The following SLC39A14 variants were observed in gnomAD, a reference collection of about 807,000 sequenced individuals.
SLC39A14 encodes the protein metal cation symporter ZIP14.
In SLC39A14, 19 loss-of-function variants were observed where a neutral mutation model predicts 45.5. The ratio of observed to expected loss-of-function variants is 0.42; its 90% confidence interval spans 0.29 to 0.61. The LOEUF (loss-of-function observed/expected upper bound fraction) is 0.61, where lower values mean the gene tolerates loss of function less well. SLC39A14 is among the 20% of genes least tolerant of loss of function. The pLI, the probability that SLC39A14 is intolerant of heterozygous loss-of-function variation, is 0.22. For missense variants in SLC39A14, 447 were observed against 616.5 expected, an observed-to-expected ratio of 0.73 and a Z score of 2.91; for synonymous variants, 264 against 251.3, an observed-to-expected ratio of 1.05 and a Z score of -0.48.
At chr8:22,371,530 T>G (rs1832937316) in intron 1 of SLC39A14, among the ~76,000 whole-genome samples, 1 of 147,632 alleles carries the variant, frequency 6.8e-6, no homozygotes, top group Non-Finnish European at 1.5e-5. Context: ...GCCTCCTGGG[T>G]TCAAGCAATT....
intron 1 of SLC39A14, among the ~76,000 whole-genome samples, chr8:22,397,319 C>T (rs1834547506): frequency 6.6e-6 from 1 of 152,094 alleles, no homozygotes; most frequent in African/African-American, 2.4e-5. Flanking sequence ...TGGCTCACGC[C>T]TGTAATCCCA....
chr8:22,409,538 A>T (rs752691141), intron 3 of SLC39A14, among the ~76,000 whole-genome samples: 1 of 151,834 alleles, frequency 6.6e-6, no homozygotes, highest in Non-Finnish European at 1.5e-5. Context: ...ACGCGCCACC[A>T]CGCCCAGCTA....
At chr8:22,410,497 G>A (rs1835508385) in intron 3 of SLC39A14, among the ~76,000 whole-genome samples, 1 of 109,008 alleles carries the variant, frequency 9.2e-6, no homozygotes. Context: ...TCAGGTCTGG[G>A]CACCAAGAGC....
At position 22,404,829 on chromosome 8, in the gene SLC39A14, C is replaced by T. The variant is rs1835115883; in HGVS notation, c.119C>T (p.Ala40Val). ...ASSLGAPAIS[A>V]ASFLQDLIHR... is the part of the protein sequence containing the mutation. Reference sequence around the variant, plus strand: ...TCCCTGGGTGCACCAGCTATCAGCGCTGCCTCCTTCCTGCAGGATCTAATA... The same window carrying T: ...TCCCTGGGTGCACCAGCTATCAGCGTTGCCTCCTTCCTGCAGGATCTAATA... The change falls in exon 2 of 9, where the codon GCT becomes GTT. Residue 40 changes from alanine (A) to valine (V), a missense_variant. This residue lies in a region of SLC39A14 where 342 missense variants were observed against 428.1 expected (regional missense o/e 0.80). Transcript: ENST00000381237. 2 of 1,614,114 alleles carry T rather than the reference C, an allele frequency of 1.2e-6. No homozygotes were observed. Among genetic ancestry groups the T allele is most frequent in the Non-Finnish European group, 1.7e-6 (2 of 1,180,052 alleles).
In SLC39A14 at chr8:22,381,552, G is replaced by C. The variant is rs1273636337; in HGVS notation, c.-16+14144G>C. 2.2e-4 allele frequency among the ~76,000 whole-genome samples: 34 copies of C among 152,266 alleles called. 1 individual carries two copies. The highest frequency in any genetic ancestry group is 2.2e-3 in the Admixed American group (34 of 15,280). On this transcript the variant is annotated intron_variant, in intron 1 of 8. Coordinates refer to ENST00000381237, the MANE Select transcript of SLC39A14 (RefSeq NM_001128431.4). ...CCCAAAGTTCTGGGATTACAGGCGT[G>C]AGCCATAGCGCCCGGCCCCTAAATT...
intron 1 of SLC39A14, among the ~76,000 whole-genome samples, chr8:22,381,430 C>G (rs1833507248): frequency 2.6e-5 from 4 of 151,978 alleles, no homozygotes; most frequent in Admixed American, 2.6e-4. Flanking sequence ...GCCACCAGGC[C>G]TGGCTAATGT....
chr8:22,420,363 G>C lies in SLC39A14; in HGVS notation c.*665G>C. ...TGTTCCTACTGAGATGCTGGATATT[G>C]ATTTTGTAACAGCACCTGGTGTTTC... On this transcript the variant is annotated 3_prime_UTR_variant, in exon 9 of 9. Coordinates refer to ENST00000381237, the MANE Select transcript of SLC39A14 (RefSeq NM_001128431.4). 7.1e-6 allele frequency: 7 copies of C among 985,456 alleles called. No homozygotes were observed. The highest frequency in any genetic ancestry group is 8.4e-6 in the Non-Finnish European group (7 of 829,950). The allele number at this position is 985,456 out of a possible 1,614,324, so 61.0% of individuals were successfully genotyped here. A position where few individuals can be genotyped will look rare whatever the true frequency, so the allele number is the denominator to read the frequency against.
rs1446258000 is a variant in SLC39A14, at chr8:22,419,780, C to T, written c.*82C>T. 11 of 1,492,242 alleles carry T rather than the reference C, an allele frequency of 7.4e-6. 1 individual carries two copies. Among genetic ancestry groups the T allele is most frequent in the African/African-American group, 4.2e-5 (3 of 71,250 alleles). 92.4% of individuals were successfully genotyped at this position (1,492,242 alleles called of 1,614,324 possible). A position where few individuals can be genotyped will look rare whatever the true frequency, so the allele number is the denominator to read the frequency against. ...GCCCGAGGACTTACCATCCACAATG[C>T]ACCACGGAAGAGGCCGTTCTATGAA... On this transcript the variant is annotated 3_prime_UTR_variant, in exon 9 of 9. Transcript: ENST00000381237.
chr8:22,398,284 C>T (rs936774533), intron 1 of SLC39A14: 2 of 152,322 alleles, frequency 1.3e-5, no homozygotes, highest in Non-Finnish European at 2.9e-5. Context: ...ACCGCCACCC[C>T]AGAGCCTGCA....
intron 1 of SLC39A14, among the ~76,000 whole-genome samples, chr8:22,394,690 C>T (rs969558599): frequency 6.6e-6 from 1 of 152,118 alleles, no homozygotes; most frequent in African/African-American, 2.4e-5. Context: ...TTTCTGCATT[C>T]CTGAGCTCTC....
intron 1 of SLC39A14, among the ~76,000 whole-genome samples, chr8:22,395,003 T>C (rs934474095): frequency 6.8e-6 from 1 of 146,564 alleles, no homozygotes; most frequent in Non-Finnish European, 1.5e-5. Context: ...GTTTCTCAAT[T>C]TTCTTTTCTC....
downstream of SLC39A14, among the ~76,000 whole-genome samples, chr8:22,425,502 C>T (rs887965214): frequency 6.7e-6 from 1 of 150,218 alleles, no homozygotes; most frequent in African/African-American, 2.5e-5. Flanking sequence ...CGTGGGAAAA[C>T]ATTGCATTCG....
intron 1 of SLC39A14, among the ~76,000 whole-genome samples, chr8:22,386,405 T>C (rs1586663559): frequency 6.6e-6 from 1 of 152,156 alleles, no homozygotes; most frequent in South Asian, 2.1e-4. Context: ...TAGCTGTGAT[T>C]ACAGGCATGT....
At chr8:22,414,726 C>T in intron 4 of SLC39A14, 54 bp from the exon 5 acceptor site, 3 of 1,556,228 alleles carry the variant, frequency 1.9e-6, no homozygotes, top group Non-Finnish European at 1.7e-6. Context: ...AGAGGGGGAT[C>T]AGTAAAGATG....
intron 7 of SLC39A14, 38 bp from the exon 8 acceptor site, chr8:22,417,613 C>G (rs1322576745): frequency 1.3e-6 from 2 of 1,579,508 alleles, no homozygotes; most frequent in African/African-American, 2.7e-5. Context: ...CTTACTCTTC[C>G]TTCCTCGTCC....
chr8:22,389,462 G>T (rs978327621), intron 1 of SLC39A14, among the ~76,000 whole-genome samples: 1 of 151,992 alleles, frequency 6.6e-6, no homozygotes, highest in Non-Finnish European at 1.5e-5. Flanking sequence ...GGACCCGGGG[G>T]AGGTGGGGTA....
rs549824936 is a variant in SLC39A14, at chr8:22,384,827, A to C, written c.-16+17419A>C. On this transcript the variant is annotated intron_variant, in intron 1 of 8. Coordinates refer to ENST00000381237, the MANE Select transcript of SLC39A14 (RefSeq NM_001128431.4). The stretch of plus-strand genomic sequence containing the variant: ...CACTTTGGGAGGCCAAGGCAGGTGG[A>C]TCACCTGAGGTCAGGAGTTTCAGAC... Among the ~76,000 whole-genome samples, 34 of 151,646 alleles carry C rather than the reference A, an allele frequency of 2.2e-4. No homozygotes were observed. In the South Asian group the frequency reaches 2.5e-3, roughly 11 times the overall value.
At chr8:22,381,208 G>A (rs1335093314) in intron 1 of SLC39A14, among the ~76,000 whole-genome samples, 29 of 151,780 alleles carry the variant, frequency 1.9e-4, no homozygotes, top group Admixed American at 1.5e-3. Context: ...TCCTAACCTC[G>A]TGATCTGCCC....
intron 1 of SLC39A14, among the ~76,000 whole-genome samples, chr8:22,402,785 AAT>A (rs34868711): frequency 0.22 from 32,708 of 147,710 alleles, 4,339 homozygotes; most frequent in East Asian, 0.49. Flanking sequence ...AAAAAAAAAA[AAT>A]GTTGCTATTT....
Sources: allele counts gnomAD v4.1 joint callset (sites outside exome capture counted in the v4.1 genomes callset), GRCh38; gene constraint gnomAD v4.1.1; regional missense constraint gnomAD v4.1.1; transcripts MANE v1.5; gene names NCBI Gene and HGNC (gene_info 2026-07-23, HGNC 2026-07-21).